DLC1: variants seen among roughly 807,000 people sequenced by gnomAD.
The protein encoded by DLC1 is DLC1 Rho GTPase activating protein.
Under a neutral mutation model 140.3 loss-of-function variants are expected in DLC1, and 54 were observed. The ratio of observed to expected loss-of-function variants is 0.38; its 90% CI spans 0.31 to 0.48. The LOEUF (loss-of-function observed/expected upper bound fraction) is 0.48. DLC1 is among the 20% of genes least tolerant of loss of function. The pLI is 0.96. For missense variants in DLC1, 2,536 were observed against 1,907.0 expected, an observed-to-expected ratio of 1.33 and a Z score of -6.14; for synonymous variants, 986 against 728.1, an observed-to-expected ratio of 1.35 and a Z score of -5.70.
rs1288891730 is a variant in DLC1, at chr8:13,086,314, G to A, written c.4442C>T (p.Thr1481Ile). The A allele has an allele frequency of 1.2e-6, 2 of 1,614,222 alleles. No individual in the cohort carries two copies. The highest frequency in any genetic ancestry group is 1.7e-6 in the Non-Finnish European group (2 of 1,180,040). ...EPCGPGKSKLTYMCRVDLRGH... is the reference protein window; with the variant it reads ...EPCGPGKSKLIYMCRVDLRGH... ...CCTTAAGTCAACTCTGCACATGTAG[G>A]TGAGTTTGGATTTTCCTGGCCCACA... The change falls in exon 17 of 18, where the codon ACC becomes ATC. Residue 1481 changes from threonine to isoleucine, a missense_variant. Thr to Ile is a moderately conservative substitution (Grantham distance 89). Coordinates refer to ENST00000276297, the MANE Select transcript of DLC1 (RefSeq NM_182643.3).
chr8:13,537,749 G>A (rs1337899266), intron 1 of DLC1, among the ~76,000 whole-genome samples: 1 of 148,920 alleles, frequency 6.7e-6, no homozygotes, highest in East Asian at 2.0e-4. Context: ...CGCCTCCCGG[G>A]TTCACGCCAT....
At chr8:13,184,927 G>C (rs1826265015) in intron 5 of DLC1, among the ~76,000 whole-genome samples, 1 of 152,114 alleles carries the variant, frequency 6.6e-6, no homozygotes, top group Admixed American at 6.6e-5. Flanking sequence ...TTTTGTGTGA[G>C]AGTCTAATGC....
chr8:13,143,290 T>C (rs1823152946), intron 5 of DLC1, among the ~76,000 whole-genome samples: 1 of 152,204 alleles, frequency 6.6e-6, no homozygotes, highest in Non-Finnish European at 1.5e-5. Context: ...GCTGTTGTGC[T>C]CTGAAAACAT....
At chr8:13,514,484 G>A (rs1802515848) in intron 1 of DLC1, 118 bp downstream of exon 1, 1 of 397,294 alleles carries the variant, frequency 2.5e-6, no homozygotes, top group Non-Finnish European at 4.4e-6. Flanking sequence ...CTGATTTTAT[G>A]GCTTTGCTCT....
rs544261406 is a variant in DLC1, at chr8:13,238,812, A to G, written c.1348+66457T>C. Among the ~76,000 whole-genome samples, 6 of 152,138 alleles carry G rather than the reference A, an allele frequency of 3.9e-5. 1 individual carries two copies. The highest frequency in any genetic ancestry group is 1.4e-4 in the African/African-American group (6 of 41,520). ...CTGTAAAAATCATTCCTCTCAAGTG[A>G]TGTGTATGCTCTCTGACGCGTGCTT... On this transcript the variant is annotated intron_variant, in intron 5 of 17. Transcript: ENST00000276297.
chr8:13,342,290 T>C (rs1338519597), intron 4 of DLC1: 1 of 152,102 alleles, frequency 6.6e-6, no homozygotes, highest in Non-Finnish European at 1.5e-5. Flanking sequence ...ATGCAGAAAA[T>C]TTGGAGAAAG....
rs1823522415 is a variant in DLC1, at chr8:13,147,541, C to T, written c.1349-31884G>A. On this transcript the variant is annotated intron_variant, in intron 5 of 17. Coordinates refer to ENST00000276297, the MANE Select transcript of DLC1 (RefSeq NM_182643.3). Reference sequence around the variant, plus strand: ...TTCACAGTTCTGGAGCGGGCAGGCACTCTTATCTGGAATTTAAGTGTATAA... The same window carrying T: ...TTCACAGTTCTGGAGCGGGCAGGCATTCTTATCTGGAATTTAAGTGTATAA... Among the ~76,000 whole-genome samples the T allele has an allele frequency of 2.6e-5, 4 of 152,152 alleles. No individual in the cohort carries two copies. In the South Asian group the frequency reaches 8.3e-4, roughly 32 times the overall value.
chr8:13,095,472 C>A, intron 10 of DLC1: 1 of 561,456 alleles, frequency 1.8e-6, no homozygotes. Flanking sequence ...TTGGCCTGTG[C>A]AGATAAAGAA....
chr8:13,276,568 G>T, intron 5 of DLC1: 1 of 1,268,716 alleles, frequency 7.9e-7, no homozygotes, highest in Non-Finnish European at 9.9e-7. Flanking sequence ...CCTGGCCCGC[G>T]GCCAAGCGCG....
chr8:13,090,437 A>G lies in DLC1; in HGVS notation c.3889T>C (p.Tyr1297His), dbSNP rs758346159. Residue 1297 changes from tyrosine (Y) to histidine (H), a missense_variant, in exon 15 of 18, where the codon TAT (tyrosine) becomes CAT (histidine). Transcript: ENST00000276297. Reference sequence around the variant, plus strand: ...AGGGGCTTCAGCTCTTGTTCGGTATAGGAATTACGACATCGGCTCATTTCC... The same window carrying G: ...AGGGGCTTCAGCTCTTGTTCGGTATGGGAATTACGACATCGGCTCATTTCC... Reference protein sequence around the residue: ...PEEMSRCRNSYTEQELKPLTL... With the variant: ...PEEMSRCRNSHTEQELKPLTL... The G allele has an allele frequency of 6.2e-7, 1 of 1,614,158 alleles. No individual in the cohort carries two copies. Among genetic ancestry groups the G allele is most frequent in the Admixed American group, 1.7e-5 (1 of 60,026 alleles).
chr8:13,178,191 T>C (rs1825853420), intron 5 of DLC1, among the ~76,000 whole-genome samples: 1 of 152,036 alleles, frequency 6.6e-6, no homozygotes, highest in South Asian at 2.1e-4. Flanking sequence ...AGAGGAAAAG[T>C]AGAACTCACT....
chr8:13,268,819 G>C (rs147215583), intron 5 of DLC1, among the ~76,000 whole-genome samples: 1 of 150,612 alleles, frequency 6.6e-6, no homozygotes, highest in African/African-American at 2.4e-5. Context: ...ATTTAAACCC[G>C]TGTTTCTCAA....
At chr8:13,119,060 C>T (rs1820812154) in intron 5 of DLC1, among the ~76,000 whole-genome samples, 1 of 151,880 alleles carries the variant, frequency 6.6e-6, no homozygotes, top group Non-Finnish European at 1.5e-5. Context: ...GAGACCCCAT[C>T]TCTACATAAA....
chr8:13,163,537 T>C (rs996555250), intron 5 of DLC1, among the ~76,000 whole-genome samples: 2 of 151,994 alleles, frequency 1.3e-5, no homozygotes, highest in African/African-American at 4.8e-5. Context: ...ACAGGCACTT[T>C]TGTGTGTGGG....
At chr8:13,368,116 T>C (rs894539527) in intron 4 of DLC1, among the ~76,000 whole-genome samples, 2 of 152,172 alleles carry the variant, frequency 1.3e-5, no homozygotes, top group African/African-American at 2.4e-5. Flanking sequence ...TCCAGTAATA[T>C]GTAAAGTGGA....
intron 2 of DLC1, among the ~76,000 whole-genome samples, chr8:13,462,845 C>T (rs1799735882): frequency 6.6e-6 from 1 of 152,196 alleles, no homozygotes; most frequent in Non-Finnish European, 1.5e-5. Flanking sequence ...AGCTCACTCT[C>T]TTCCAGCAGT....
chr8:13,272,476 T>A (rs1361184902), intron 5 of DLC1, among the ~76,000 whole-genome samples: 1 of 152,118 alleles, frequency 6.6e-6, no homozygotes, highest in Non-Finnish European at 1.5e-5. Flanking sequence ...AAAAGACTAG[T>A]ATTTAATTTC....
chr8:13,564,187 C>CA (rs1318095989), intron 1 of DLC1, among the ~76,000 whole-genome samples: 1 of 151,930 alleles, frequency 6.6e-6, no homozygotes, highest in Non-Finnish European at 1.5e-5. Context: ...ATAATAACAC[C>CA]AAAGATGCAG....
intron 4 of DLC1, among the ~76,000 whole-genome samples, chr8:13,391,729 A>T (rs529165317): frequency 6.6e-6 from 1 of 152,214 alleles, no homozygotes; most frequent in African/African-American, 2.4e-5. Flanking sequence ...GTTATGAATT[A>T]TGAGACACTC....
Sources: allele counts gnomAD v4.1 joint callset (sites outside exome capture counted in the v4.1 genomes callset), GRCh38; gene constraint gnomAD v4.1.1; transcripts MANE v1.5; gene names NCBI Gene and HGNC (gene_info 2026-07-23, HGNC 2026-07-21).